The following PPP2CB variants were observed in gnomAD, a reference collection of about 807,000 sequenced individuals.
The protein encoded by PPP2CB is serine/threonine-protein phosphatase 2A catalytic subunit beta isoform.
A neutral mutation model predicts 39.1 loss-of-function variants in PPP2CB; 18 were observed. That is an observed-to-expected ratio of 0.46 (90% CI 0.32 to 0.68). The LOEUF (loss-of-function observed/expected upper bound fraction) is 0.68. Ranked by LOEUF, PPP2CB falls within the 30% of genes least tolerant of loss-of-function variation. PPP2CB has a pLI of 0.04. For synonymous variants in PPP2CB, 129 were observed against 133.8 expected, an observed-to-expected ratio of 0.96 and a Z score of 0.25; for missense variants, 226 against 396.9, an observed-to-expected ratio of 0.57 and a Z score of 3.66.
intron 1 of PPP2CB, among the ~76,000 whole-genome samples, chr8:30,806,048 T>A (rs1047160435): frequency 4.8e-5 from 6 of 126,170 alleles, no homozygotes; most frequent in Non-Finnish European, 9.4e-5. Flanking sequence ...TTAATATGAT[T>A]TTTTTTTTTT....
intron 6 of PPP2CB, among the ~76,000 whole-genome samples, chr8:30,790,091 T>C (rs1939972924): frequency 6.6e-6 from 1 of 152,202 alleles, no homozygotes; most frequent in South Asian, 2.1e-4. Flanking sequence ...TCATCTTTAA[T>C]AATTATATCT....
In PPP2CB at chr8:30,791,245, C is replaced by T. The variant is rs927652086; in HGVS notation, c.809G>A (p.Gly270Glu). ...TAATTCCATGATAGCAGCCTGGTTC[C>T]CACAACGATAACAGTAATTGGGTGC... ...FSAPNYCYRC[G>E]NQAAIMELDD... Residue 270 changes from glycine (G) to glutamate (E), a missense_variant, in exon 6 of 7, where the codon GGG (glycine) becomes GAG (glutamate). Coordinates refer to ENST00000221138, the MANE Select transcript of PPP2CB (RefSeq NM_001009552.2). 1 of 1,612,286 alleles carries T rather than the reference C, an allele frequency of 6.2e-7. No individual in the cohort carries two copies. The highest frequency in any genetic ancestry group is 8.5e-7 in the Non-Finnish European group (1 of 1,179,542).
At chr8:30,788,119 T>C (rs1169979618) in intron 6 of PPP2CB, among the ~76,000 whole-genome samples, 3 of 152,296 alleles carry the variant, frequency 2.0e-5, no homozygotes, top group East Asian at 3.9e-4. Context: ...GTTTTGTTGA[T>C]TTTTCTGTAA....
intron 1 of PPP2CB, among the ~76,000 whole-genome samples, chr8:30,809,076 A>AC (rs1007500077): frequency 2.1e-4 from 29 of 139,252 alleles, no homozygotes; most frequent in South Asian, 2.3e-4. Context: ...CGCCCAGCTA[A>AC]TTTTTTTTTT....
At chr8:30,806,191 G>A (rs1047884359) in intron 1 of PPP2CB, among the ~76,000 whole-genome samples, 2 of 151,732 alleles carry the variant, frequency 1.3e-5, no homozygotes, top group Non-Finnish European at 2.9e-5. Flanking sequence ...GGGCCTACAG[G>A]CGCCTGCCAC....
At chr8:30,793,803 C>T in intron 5 of PPP2CB, 114 bp downstream of exon 5, 1 of 1,255,074 alleles carries the variant, frequency 8.0e-7, no homozygotes. Flanking sequence ...AGTTTTTCCT[C>T]TTTTCACCTA....
chr8:30,793,687 A>C, intron 5 of PPP2CB: 1 of 418,986 alleles, frequency 2.4e-6, no homozygotes. Flanking sequence ...CATACAGGGA[A>C]TTATGGGGTA....
intron 3 of PPP2CB, among the ~76,000 whole-genome samples, chr8:30,794,997 GAAT>G (rs1212699581): frequency 1.3e-5 from 2 of 152,032 alleles, no homozygotes; most frequent in Admixed American, 6.6e-5. Flanking sequence ...AAATAAAATG[GAAT>G]AATACAAATG....
intron 1 of PPP2CB, chr8:30,809,855 T>C (rs1806794289): frequency 6.6e-6 from 1 of 152,116 alleles, no homozygotes; most frequent in Non-Finnish European, 1.5e-5. Flanking sequence ...GAGGGTCCCT[T>C]ATGCCCCAGA....
At chr8:30,795,431 A>G (rs1238155280) in intron 3 of PPP2CB, among the ~76,000 whole-genome samples, 1 of 152,192 alleles carries the variant, frequency 6.6e-6, no homozygotes, top group Non-Finnish European at 1.5e-5. Context: ...GAAGGTTTCT[A>G]ATGTTTAGCT....
chr8:30,787,192 A>G (rs1586119214), intron 6 of PPP2CB, among the ~76,000 whole-genome samples: 1 of 152,186 alleles, frequency 6.6e-6, no homozygotes, highest in Non-Finnish European at 1.5e-5. Flanking sequence ...CGTATGTTGG[A>G]AAATTTTATA....
At position 30,786,213 on chromosome 8, in the gene PPP2CB, A is replaced by C; in HGVS notation, c.*22T>G. On this transcript the variant is annotated 3_prime_UTR_variant, in exon 7 of 7. Transcript: ENST00000221138. ...AAGCCAGGTATACTTCCACATACAA[A>C]GGCAGGTTTCCCAGGAGAAATTTAT... 1 of 1,526,164 alleles carries C rather than the reference A, an allele frequency of 6.6e-7. No homozygotes were observed. The allele number at this position is 1,526,164 out of a possible 1,614,324, so 94.5% of individuals were successfully genotyped here.
chr8:30,793,802 T>C, intron 5 of PPP2CB, 115 bp downstream of exon 5: 1 of 1,239,296 alleles, frequency 8.1e-7, no homozygotes. Flanking sequence ...AAGTTTTTCC[T>C]CTTTTCACCT....
Position 30,789,887 on chromosome 8 carries a change from GCT to G in PPP2CB, c.857+1308_857+1309del, listed in dbSNP as rs1806403760. Among the ~76,000 whole-genome samples the G allele has an allele frequency of 2.6e-5, 4 of 152,188 alleles. No homozygotes were observed. In the South Asian group the frequency reaches 8.3e-4, roughly 32 times the overall value. Reference sequence around the variant, plus strand: ...GAAAGCAAGATGCTGGGAGGACCACGCTCTCTCTGAAGGCTCTAGGAAAAATC... The same window carrying G: ...GAAAGCAAGATGCTGGGAGGACCACGCTCTCTGAAGGCTCTAGGAAAAATC... On this transcript the variant is annotated intron_variant, in intron 6 of 6. Transcript: ENST00000221138.
At chr8:30,794,438 G>T in intron 3 of PPP2CB, 157 bp from the exon 4 acceptor site, 2 of 605,560 alleles carry the variant, frequency 3.3e-6, no homozygotes, top group South Asian at 4.9e-5. Context: ...TCTGGTCAAT[G>T]GTATCCCCAT....
intron 1 of PPP2CB, 40 bp from the exon 2 acceptor site, chr8:30,799,795 T>C (rs1179286283): frequency 1.3e-5 from 20 of 1,548,004 alleles, no homozygotes; most frequent in Non-Finnish European, 1.8e-5. Flanking sequence ...AAGTTAAAAC[T>C]ATCATTTCTT....
chr8:30,787,850 G>A (rs534875293), intron 6 of PPP2CB, among the ~76,000 whole-genome samples: 3 of 152,252 alleles, frequency 2.0e-5, no homozygotes, highest in South Asian at 2.1e-4. Flanking sequence ...TTATAGGTGT[G>A]AGCCACCATG....
chr8:30,789,770 T>C (rs1358767288), intron 6 of PPP2CB, among the ~76,000 whole-genome samples: 1 of 152,220 alleles, frequency 6.6e-6, no homozygotes, highest in East Asian at 1.9e-4. Context: ...AATCTACTTA[T>C]CCATTTCCTG....
chr8:30,786,856 C>CGGGG (rs1235384399), intron 6 of PPP2CB, among the ~76,000 whole-genome samples: 1 of 151,352 alleles, frequency 6.6e-6, no homozygotes, highest in Non-Finnish European at 1.5e-5. Context: ...TTAGTAGAGA[C>CGGGG]GGGGTTTCAC....
Sources: gnomAD v4.1 joint callset for allele counts (sites outside exome capture counted in the v4.1 genomes callset) on GRCh38, gnomAD v4.1.1 for gene constraint, MANE v1.5 for transcripts, NCBI Gene and HGNC (gene_info 2026-07-23, HGNC 2026-07-21) for gene names.